Variants in KLF1 observed in about 807,000 individuals in gnomAD.
KLF1 encodes Krueppel-like factor 1.
A neutral mutation model predicts 28.0 loss-of-function variants in KLF1; 29 were observed. The ratio of observed to expected loss-of-function variants is 1.04; its 90% CI spans 0.77 to 1.41. KLF1 has a LOEUF of 1.41. Ranked by LOEUF, KLF1 falls within the 40% of genes most tolerant of loss-of-function variation. The pLI is 0.00. For synonymous variants in KLF1, 262 were observed against 242.6 expected (o/e 1.08, Z -0.74); for missense variants, 508 against 515.1 (o/e 0.99, Z 0.13).
rs398122931 is a variant in KLF1 at position 12,884,903 on chromosome 19, G to T, written c.1071C>A (p.His357Gln). Reference sequence around the variant, plus strand: ...GCAGGGCTCAAAGGTGGCGCTTCATGTGCAAGGCCAGGTGGTCAGAGCGCG... The same window carrying T: ...GCAGGGCTCAAAGGTGGCGCTTCATTTGCAAGGCCAGGTGGTCAGAGCGCG... ...AFSRSDHLAL[H>Q]MKRHL is the part of the protein sequence containing the mutation. Residue 357 changes from histidine to glutamine, a missense_variant, in exon 3 of 3, where the codon CAC (histidine) becomes CAA (glutamine). Transcript: ENST00000264834. 6.2e-7 allele frequency: 1 copy of T among 1,613,990 alleles called. No homozygotes were observed. The highest frequency in any genetic ancestry group is 8.5e-7 in the Non-Finnish European group (1 of 1,180,040).
intron 1 of KLF1, among the ~76,000 whole-genome samples, chr19:12,886,715 C>T (rs1438578173): frequency 6.6e-6 from 1 of 151,570 alleles, no homozygotes. Flanking sequence ...TAATGATCCT[C>T]CTGCATCAGC....
chr19:12,885,817 G>A lies in KLF1; in HGVS notation c.413C>T (p.Pro138Leu). 1 of 1,548,730 alleles carries A rather than the reference G, an allele frequency of 6.5e-7. No individual in the cohort carries two copies. Among genetic ancestry groups the A allele is most frequent in the South Asian group, 1.2e-5 (1 of 83,992 alleles). ...GSEDHSGWVR[P>L]ALRARAPDAF... ...GTCGGGAGCCCGGGCTCGCAGGGCA[G>A]GGCGCACCCAACCCGAGTGATCCTC... Residue 138 changes from proline to leucine, a missense_variant, in exon 2 of 3, where the codon CCT (proline) becomes CTT (leucine). Physicochemically the swap from Pro to Leu is moderately conservative, Grantham distance 98. Coordinates refer to ENST00000264834, the MANE Select transcript of KLF1 (RefSeq NM_006563.5). The surrounding 1 kb of genome is among the most constrained non-coding windows in gnomAD (Gnocchi z 5.6).
At position 12,886,032 on chromosome 19, in the gene KLF1, C is replaced by T. The variant is rs1568421141; in HGVS notation, c.198G>A (p.Glu66=). The change falls in exon 2 of 3, where the codon GAG becomes GAA. Residue 66 remains glutamate, a synonymous_variant. Transcript: ENST00000264834. The part of the protein sequence containing the change: ...EDQPGEEEDD[E]RGADATWDLD... ...GGTCCCAGGTGGCGTCCGCGCCCCT[C>T]TCATCGTCCTCTTCCTCCCCGGGCT... 1 of 1,608,560 alleles carries T rather than the reference C, an allele frequency of 6.2e-7. No individual in the cohort carries two copies. The highest frequency in any genetic ancestry group is 1.1e-5 in the South Asian group (1 of 90,108).
chr19:12,885,681 C>G lies in KLF1; in HGVS notation c.549G>C (p.Pro183=), dbSNP rs1970434256. Residue 183 remains proline, a synonymous_variant, in exon 2 of 3, where the codon CCG becomes CCC. Coordinates refer to ENST00000264834, the MANE Select transcript of KLF1 (RefSeq NM_006563.5). The surrounding 1 kb of genome is among the most constrained non-coding windows in gnomAD (Gnocchi z 5.6). ...PGAGSSGGYF[P]RTGLSVPAAS... ...CCGCAGGCACTGAAAGCCCGGTCCG[C>G]GGGAAGTAGCCACCCGAGGAGCCGG... 1 of 1,535,204 alleles carries G rather than the reference C, an allele frequency of 6.5e-7. No homozygotes were observed. The highest frequency in any genetic ancestry group is 8.8e-7 in the Non-Finnish European group (1 of 1,139,636).
At position 12,885,638 on chromosome 19, in the gene KLF1, C is replaced by T. The variant is rs1970433570; in HGVS notation, c.592G>A (p.Gly198Arg). The T allele has an allele frequency of 1.3e-6, 2 of 1,545,280 alleles. No homozygotes were observed. The highest frequency in any genetic ancestry group is 1.2e-5 in the South Asian group (1 of 83,972). Residue 198 changes from glycine (G) to arginine (R), a missense_variant, in exon 2 of 3, where the codon GGG becomes AGG. Physicochemically the swap from Gly to Arg is moderately radical, Grantham distance 125. Coordinates refer to ENST00000264834, the MANE Select transcript of KLF1 (RefSeq NM_006563.5). The surrounding 1 kb of genome is among the most constrained non-coding windows in gnomAD (Gnocchi z 5.6). ...ATCGCGGGGTACCCGGACAGTAGCC[C>T]GTAGGGGGCGCCCGACGCCGCAGGC... ...SVPAASGAPYGLLSGYPAMYP... is the reference protein window; with the variant it reads ...SVPAASGAPYRLLSGYPAMYP...
Position 12,885,025 on chromosome 19 carries a change from CG to C in KLF1, c.948del (p.Cys316TrpfsTer11). On this transcript the variant is annotated frameshift_variant, in exon 3 of 3. Transcript: ENST00000264834. LOFTEE classifies it high-confidence loss of function. The surrounding 1 kb of genome is among the most constrained non-coding windows in gnomAD (Gnocchi z 5.6). ...EKPYACTWEG[C>X]GWRFARSDEL... Reference sequence around the variant, plus strand: ...TCGTCCGAGCGCGCGAATCTCCAGCCGCAGCCTTCCCACGTGCAGGCGTATG... The same window carrying C: ...TCGTCCGAGCGCGCGAATCTCCAGCCCAGCCTTCCCACGTGCAGGCGTATG... 1 of 1,608,924 alleles carries C rather than the reference CG, an allele frequency of 6.2e-7. No homozygotes were observed. The highest frequency in any genetic ancestry group is 8.5e-7 in the Non-Finnish European group (1 of 1,179,996).
At position 12,885,379 on chromosome 19, in the gene KLF1, G is replaced by C; in HGVS notation, c.851C>G (p.Pro284Arg). The C allele has an allele frequency of 1.9e-6, 3 of 1,605,856 alleles. No individual in the cohort carries two copies. The highest frequency in any genetic ancestry group is 2.5e-6 in the Non-Finnish European group (3 of 1,176,790). The stretch of plus-strand genomic sequence containing the variant: ...CTTGGTGTAGCTCTTGCCGCAACCC[G>C]GGTGCGCGCACGTGTGCGCTGCCTG... ...KRQAAHTCAHPGCGKSYTKSS... is the reference protein window; with the variant it reads ...KRQAAHTCAHRGCGKSYTKSS... Residue 284 changes from proline to arginine, a missense_variant, in exon 2 of 3, where the codon CCG (proline) becomes CGG (arginine). Coordinates refer to ENST00000264834, the MANE Select transcript of KLF1 (RefSeq NM_006563.5). This position sits in a 1 kb window ranked among gnomAD's most constrained non-coding sequence, Gnocchi z 5.6.
At chr19:12,886,231 G>A in intron 1 of KLF1, 89 bp from the exon 2 acceptor site, 2 of 933,556 alleles carry the variant, frequency 2.1e-6, no homozygotes, top group Admixed American at 2.4e-5. Context: ...TGACGCAGAG[G>A]CTTTGGAAAG....
Position 12,884,918 on chromosome 19 carries a change from G to A in KLF1, c.1056C>T (p.Asp352=), listed in dbSNP as rs746788261. The A allele has an allele frequency of 1.2e-6, 2 of 1,613,998 alleles. No individual in the cohort carries two copies. The highest frequency in any genetic ancestry group is 1.7e-6 in the Non-Finnish European group (2 of 1,180,034). ...GGCGCTTCATGTGCAAGGCCAGGTG[G>A]TCAGAGCGCGAAAAAGCACGTGGGC... ...QLCPRAFSRS[D]HLALHMKRHL is the part of the protein sequence containing the mutation. Residue 352 remains aspartate (D), a synonymous_variant, in exon 3 of 3, where the codon GAC becomes GAT. Coordinates refer to ENST00000264834, the MANE Select transcript of KLF1 (RefSeq NM_006563.5).
chr19:12,887,063 G>A lies in KLF1; in HGVS notation c.78C>T (p.Asp26=). Residue 26 remains aspartate (D), a synonymous_variant, in exon 1 of 3, where the codon GAC becomes GAT. Transcript: ENST00000264834. This position sits in a 1 kb window ranked among gnomAD's most constrained non-coding sequence, Gnocchi z 4.7. ...ALGPFPDTQD[D]FLKWWRSEEA... is the part of the protein sequence containing the mutation. ...ACCTTCTAGGCCCCACCTTGAGGAA[G>A]TCATCCTGTGTGTCCGGGAAGGGGC... 6.2e-7 allele frequency: 1 copy of A among 1,614,134 alleles called. No homozygotes were observed.
At position 12,885,709 on chromosome 19, in the gene KLF1, C is replaced by G. The variant is rs1004230112; in HGVS notation, c.521G>C (p.Gly174Ala). 6.6e-7 allele frequency: 1 copy of G among 1,523,710 alleles called. No homozygotes were observed. Among genetic ancestry groups the G allele is most frequent in the Non-Finnish European group, 8.8e-7 (1 of 1,135,406 alleles). 94.4% of individuals were successfully genotyped at this position (1,523,710 alleles called of 1,614,324 possible). The change falls in exon 2 of 3, where the codon GGC (glycine) becomes GCC (alanine). Residue 174 changes from glycine (G) to alanine (A), a missense_variant. By Grantham distance (60) the Gly-to-Ala change is moderately conservative. Coordinates refer to ENST00000264834, the MANE Select transcript of KLF1 (RefSeq NM_006563.5). The surrounding 1 kb of genome is among the most constrained non-coding windows in gnomAD (Gnocchi z 5.6). Reference protein sequence around the residue: ...LALQPVYPGPGAGSSGGYFPR... With the variant: ...LALQPVYPGPAAGSSGGYFPR... ...GAAGTAGCCACCCGAGGAGCCGGCG[C>G]CGGGCCCCGGGTACACCGGTTGCAG...
chr19:12,885,044 G>T lies in KLF1; in HGVS notation c.930C>A (p.Ala310=). ...LRTHTGEKPY[A]CTWEGCGWRF... ...TCCAGCCGCAGCCTTCCCACGTGCA[G>T]GCGTATGGCTTCTCCCCTAGGGGAC... Residue 310 remains alanine, a synonymous_variant, in exon 3 of 3, where the codon GCC becomes GCA. Coordinates refer to ENST00000264834, the MANE Select transcript of KLF1 (RefSeq NM_006563.5). This position sits in a 1 kb window ranked among gnomAD's most constrained non-coding sequence, Gnocchi z 5.6. The T allele has an allele frequency of 6.2e-7, 1 of 1,606,754 alleles. No individual in the cohort carries two copies. Among genetic ancestry groups the T allele is most frequent in the Non-Finnish European group, 8.5e-7 (1 of 1,179,976 alleles).
In KLF1 at chr19:12,884,846, T is replaced by C; in HGVS notation, c.*39A>G. ...ACCACCAAACAGGCTTCTTGTCCCA[T>C]CCCCAGTCACTAGGAGAGTCCAAGT... On this transcript the variant is annotated 3_prime_UTR_variant, in exon 3 of 3. Coordinates refer to ENST00000264834, the MANE Select transcript of KLF1 (RefSeq NM_006563.5). The C allele has an allele frequency of 1.2e-6, 2 of 1,608,994 alleles. No individual in the cohort carries two copies. Among genetic ancestry groups the C allele is most frequent in the Non-Finnish European group, 1.7e-6 (2 of 1,177,308 alleles).
At position 12,885,716 on chromosome 19, in the gene KLF1, C is replaced by G. The variant is rs1356723427; in HGVS notation, c.514G>C (p.Gly172Arg). The change falls in exon 2 of 3, where the codon GGG becomes CGG. Residue 172 changes from glycine to arginine, a missense_variant. Gly to Arg is a moderately radical substitution (Grantham distance 125). Transcript: ENST00000264834. The surrounding 1 kb of genome is among the most constrained non-coding windows in gnomAD (Gnocchi z 5.6). ...CCACCCGAGGAGCCGGCGCCGGGCC[C>G]CGGGTACACCGGTTGCAGCGCCAGC... The part of the protein sequence containing the change: ...KALALQPVYP[G>R]PGAGSSGGYF... The G allele has an allele frequency of 2.6e-6, 4 of 1,513,780 alleles. No homozygotes were observed. The highest frequency in any genetic ancestry group is 1.4e-5 in the African/African-American group (1 of 71,822). 93.8% of individuals were successfully genotyped at this position (1,513,780 alleles called of 1,614,324 possible).
chr19:12,885,511 C>G lies in KLF1; in HGVS notation c.719G>C (p.Gly240Ala). Residue 240 changes from glycine to alanine, a missense_variant, in exon 2 of 3, where the codon GGA (glycine) becomes GCA (alanine). By Grantham distance (60) the Gly-to-Ala change is moderately conservative. Transcript: ENST00000264834. The surrounding 1 kb of genome is among the most constrained non-coding windows in gnomAD (Gnocchi z 5.6). ...ATSPSFLSCL[G>A]PGTVGTGLGG... ...GAGTCCAGTGCCCACCGTCCCGGGT[C>G]CCAAACAACTCAGGAAGGAGGGGGA... 1 of 1,595,022 alleles carries G rather than the reference C, an allele frequency of 6.3e-7. No homozygotes were observed. Among genetic ancestry groups the G allele is most frequent in the South Asian group, 1.1e-5 (1 of 88,768 alleles).
At position 12,887,042 on chromosome 19, in the gene KLF1, T is replaced by G; in HGVS notation, c.87+12A>C. On this transcript the variant is annotated intron_variant, in intron 1 of 2. Transcript: ENST00000264834. This position sits in a 1 kb window ranked among gnomAD's most constrained non-coding sequence, Gnocchi z 4.7. ...CAGCCAGCCCACCTAGACCCCACCT[T>G]CTAGGCCCCACCTTGAGGAAGTCAT... 2 of 1,613,906 alleles carry G rather than the reference T, an allele frequency of 1.2e-6. No homozygotes were observed. The highest frequency in any genetic ancestry group is 2.2e-5 in the South Asian group (2 of 91,074).
Position 12,884,878 on chromosome 19 carries a change from G to C in KLF1, c.*7C>G. 6.2e-7 allele frequency: 1 copy of C among 1,613,620 alleles called. No homozygotes were observed. Among genetic ancestry groups the C allele is most frequent in the Non-Finnish European group, 8.5e-7 (1 of 1,180,000 alleles). The stretch of plus-strand genomic sequence containing the variant: ...TCACTAGGAGAGTCCAAGTGCCAGG[G>C]CAGGGCTCAAAGGTGGCGCTTCATG... On this transcript the variant is annotated 3_prime_UTR_variant, in exon 3 of 3. Coordinates refer to ENST00000264834, the MANE Select transcript of KLF1 (RefSeq NM_006563.5).
At chr19:12,886,946 G>A in intron 1 of KLF1, 108 bp downstream of exon 1, 2 of 1,142,222 alleles carry the variant, frequency 1.8e-6, no homozygotes, top group South Asian at 2.5e-5. Context: ...CCTCAGTCCT[G>A]GTTAAGTCTC....
Position 12,885,270 on chromosome 19 carries a change from C to T in KLF1, c.913+47G>A, listed in dbSNP as rs777559714. On this transcript the variant is annotated intron_variant, in intron 2 of 2. Transcript: ENST00000264834. The surrounding 1 kb of genome is among the most constrained non-coding windows in gnomAD (Gnocchi z 5.6). ...TGCAACCCTTCTTCCCCTGTAACTA[C>T]AGCGGGCGCCGCGCCCTTTCTCATG... is the stretch of plus-strand genomic sequence containing the variant. 2.3e-5 allele frequency: 35 copies of T among 1,506,346 alleles called. No individual in the cohort carries two copies. The highest frequency in any genetic ancestry group is 3.2e-5 in the Non-Finnish European group (35 of 1,109,784). The allele number at this position is 1,506,346 out of a possible 1,614,324, so 93.3% of individuals were successfully genotyped here.
Sources: allele counts gnomAD v4.1 joint callset (sites outside exome capture counted in the v4.1 genomes callset), GRCh38; gene constraint gnomAD v4.1.1; non-coding constraint Gnocchi (gnomAD v3.1); transcripts MANE v1.5; gene names NCBI Gene and HGNC (gene_info 2026-07-23, HGNC 2026-07-21).